SGIP1: variants seen among roughly 807,000 people sequenced by gnomAD.
SGIP1 encodes SH3GL interacting endocytic adaptor 1.
Under a neutral mutation model 107.5 loss-of-function variants are expected in SGIP1, and 38 were observed. That is an observed-to-expected ratio of 0.35 (90% confidence interval 0.27 to 0.46). SGIP1 has a LOEUF of 0.46. Among genes scored for constraint, SGIP1 ranks in the 20% least tolerant of loss-of-function variants. The pLI, the probability that SGIP1 is intolerant of heterozygous loss-of-function variation, is 1.00. For synonymous variants in SGIP1, 365 were observed against 366.1 expected (o/e 1.00, Z 0.03); for missense variants, 929 against 1,019.5 (o/e 0.91, Z 1.21).
chr1:66,726,012 G>A (rs920543390), intron 19 of SGIP1, among the ~76,000 whole-genome samples: 1 of 152,184 alleles, frequency 6.6e-6, no homozygotes, highest in Non-Finnish European at 1.5e-5. Context: ...TACTACATGA[G>A]TCAGATGACA....
intron 1 of SGIP1, among the ~76,000 whole-genome samples, chr1:66,611,483 T>G (rs2067991848): frequency 1.3e-5 from 2 of 152,234 alleles, no homozygotes; most frequent in South Asian, 4.1e-4. Flanking sequence ...TTGTTTCCAG[T>G]GTCTCCCATG....
intron 20 of SGIP1, among the ~76,000 whole-genome samples, chr1:66,731,921 G>C (rs965256217): frequency 6.6e-6 from 1 of 152,058 alleles, no homozygotes; most frequent in Non-Finnish European, 1.5e-5. Context: ...AAATATGCGG[G>C]AACAATTGTC....
intron 20 of SGIP1, 46 bp from the exon 21 acceptor site, chr1:66,733,702 T>C (rs762992469): frequency 1.9e-6 from 3 of 1,594,676 alleles, no homozygotes; most frequent in Non-Finnish European, 2.6e-6. Context: ...AGGGTTTATA[T>C]TTGTTTTAAG....
intron 20 of SGIP1, among the ~76,000 whole-genome samples, chr1:66,731,104 C>G (rs1477511818): frequency 6.6e-6 from 1 of 152,198 alleles, no homozygotes; most frequent in African/African-American, 2.4e-5. Context: ...CTGTTCTTTT[C>G]CTTTGTAGCA....
intron 1 of SGIP1, among the ~76,000 whole-genome samples, chr1:66,541,398 A>T (rs2054904909): frequency 1.3e-5 from 2 of 152,258 alleles, no homozygotes; most frequent in Admixed American, 1.3e-4. Flanking sequence ...ATGTCTTGTG[A>T]CAGTGCCCCT....
intron 1 of SGIP1, among the ~76,000 whole-genome samples, chr1:66,618,885 G>A (rs921386594): frequency 3.9e-5 from 6 of 152,198 alleles, no homozygotes; most frequent in Non-Finnish European, 8.8e-5. Flanking sequence ...ATGATAGCTG[G>A]AAGGCAGTCA....
intron 17 of SGIP1, among the ~76,000 whole-genome samples, chr1:66,693,890 A>C (rs2090365058): frequency 1.3e-5 from 2 of 152,240 alleles, no homozygotes; most frequent in African/African-American, 4.8e-5. Context: ...GGCAAATTGA[A>C]TTTGGATATT....
intron 10 of SGIP1, 143 bp from the exon 11 acceptor site, chr1:66,671,801 G>A (rs2149841283): frequency 7.2e-6 from 5 of 696,806 alleles, no homozygotes; most frequent in Non-Finnish European, 1.3e-5. Flanking sequence ...ATTGCCAGGG[G>A]AGAAGGTTTG....
chr1:66,734,822 T>A (rs571722588), intron 21 of SGIP1, among the ~76,000 whole-genome samples: 39 of 152,254 alleles, frequency 2.6e-4, no homozygotes, highest in African/African-American at 8.7e-4. Context: ...TAGATTTTTT[T>A]AAACTTTTTT....
intron 17 of SGIP1, chr1:66,695,189 G>T: frequency 1.4e-6 from 1 of 704,364 alleles, no homozygotes; most frequent in Non-Finnish European, 2.2e-6. Flanking sequence ...AGTATCAAGC[G>T]ACCACCAACA....
intron 1 of SGIP1, among the ~76,000 whole-genome samples, chr1:66,609,142 G>A (rs17129171): frequency 0.013 from 1,900 of 151,702 alleles, 44 homozygotes; most frequent in African/African-American, 0.044. Flanking sequence ...TCACCAATGG[G>A]CACAAGATGA....
At chr1:66,588,212 A>G (rs1007723381) in intron 1 of SGIP1, among the ~76,000 whole-genome samples, 1 of 152,130 alleles carries the variant, frequency 6.6e-6, no homozygotes, top group African/African-American at 2.4e-5. Flanking sequence ...TTTTAGGATC[A>G]CTAACTAAAG....
intron 1 of SGIP1, among the ~76,000 whole-genome samples, chr1:66,546,789 A>C (rs2056479681): frequency 6.6e-6 from 1 of 152,172 alleles, no homozygotes; most frequent in African/African-American, 2.4e-5. Context: ...AATTAGAAAA[A>C]TTCTAATATC....
At chr1:66,667,478 C>T in intron 8 of SGIP1, 52 bp from the exon 9 acceptor site, 1 of 1,566,916 alleles carries the variant, frequency 6.4e-7, no homozygotes, top group East Asian at 2.2e-5. Flanking sequence ...GTTGACTGAT[C>T]CATCATTCTC....
At chr1:66,742,601 C>G (rs1180974122) in intron 24 of SGIP1, among the ~76,000 whole-genome samples, 2 of 149,462 alleles carry the variant, frequency 1.3e-5, no homozygotes, top group Admixed American at 6.7e-5. Flanking sequence ...TCCTGAGTAG[C>G]TGGGACTACA....
At chr1:66,621,765 C>T (rs2149273714) in intron 1 of SGIP1, among the ~76,000 whole-genome samples, 2 of 152,324 alleles carry the variant, frequency 1.3e-5, no homozygotes, top group African/African-American at 4.8e-5. Flanking sequence ...CACGTTGCAG[C>T]CTGTATAAGT....
intron 21 of SGIP1, among the ~76,000 whole-genome samples, chr1:66,734,241 T>C (rs1200932739): frequency 6.6e-6 from 1 of 152,152 alleles, no homozygotes; most frequent in African/African-American, 2.4e-5. Flanking sequence ...TTATTTTAAA[T>C]GATTCAAGGT....
chr1:66,582,532 T>TC (rs1306366689), intron 1 of SGIP1, among the ~76,000 whole-genome samples: 11 of 152,052 alleles, frequency 7.2e-5, no homozygotes, highest in Non-Finnish European at 1.6e-4. Context: ...AAGATGATTT[T>TC]TTTTTTTTGT....
chr1:66,700,096 C>T (rs182990018), intron 18 of SGIP1, among the ~76,000 whole-genome samples: 1 of 152,174 alleles, frequency 6.6e-6, no homozygotes, highest in Admixed American at 6.5e-5. Flanking sequence ...AGTGGTGGAG[C>T]GCAGTGGCTC....
Sources: gnomAD v4.1 joint callset for allele counts (sites outside exome capture counted in the v4.1 genomes callset) on GRCh38, gnomAD v4.1.1 for gene constraint, MANE v1.5 for transcripts, NCBI Gene and HGNC (gene_info 2026-07-23, HGNC 2026-07-21) for gene names.